DCLK1: variants seen among roughly 807,000 people sequenced by gnomAD.
The protein encoded by DCLK1 is serine/threonine-protein kinase DCLK1.
DCLK1 carries 16 observed loss-of-function variants against 86.2 expected under a neutral mutation model. That is an observed-to-expected ratio of 0.19 (90% CI 0.13 to 0.28). The LOEUF is 0.28. DCLK1 is among the 10% of genes least tolerant of loss of function. The probability of loss-of-function intolerance (pLI) is 1.00; values close to 1 mark genes in which losing one functional copy is unlikely to be tolerated. For synonymous variants in DCLK1, 369 were observed against 370.5 expected, an observed-to-expected ratio of 1.00 and a Z score of 0.05; for missense variants, 590 against 940.2, an observed-to-expected ratio of 0.63 and a Z score of 4.87.
chr13:35,822,666 A>T, intron 11 of DCLK1, 63 bp downstream of exon 11: 5 of 1,474,172 alleles, frequency 3.4e-6, no homozygotes, highest in Middle Eastern at 1.8e-4. Flanking sequence ...GAAAAAAGAA[A>T]TATTCATATT....
intron 3 of DCLK1, among the ~76,000 whole-genome samples, chr13:35,972,889 G>A (rs1456579577): frequency 1.3e-5 from 2 of 152,090 alleles, no homozygotes; most frequent in Admixed American, 6.6e-5. Context: ...TCTGTCCACT[G>A]CATCTCACCA....
Position 35,901,491 on chromosome 13 carries a change from C to CAAAAAAAAAAA in DCLK1, c.824-30162_824-30152dup, listed in dbSNP as rs58801666. Among the ~76,000 whole-genome samples, 6 of 45,878 alleles carry CAAAAAAAAAAA rather than the reference C, an allele frequency of 1.3e-4. 2 individuals are homozygous for CAAAAAAAAAAA. Among genetic ancestry groups the CAAAAAAAAAAA allele is most frequent in the African/African-American group, 5.8e-4 (6 of 10,368 alleles). 30.1% of individuals were successfully genotyped at this position (45,878 alleles called of 152,430 possible). A position where few individuals can be genotyped will look rare whatever the true frequency, so the allele number is the denominator to read the frequency against. ...GGTGACAGAGTGAGAGACTCTGTCT[C>CAAAAAAAAAAA]AAAAAAAAAAAAAAAAAAAAAAAAA... On this transcript the variant is annotated intron_variant, in intron 4 of 16. Transcript: ENST00000360631.
rs566911708 is a variant in DCLK1, at chr13:35,969,654, G to A, written c.724-22197C>T. On this transcript the variant is annotated intron_variant, in intron 3 of 16. Transcript: ENST00000360631. ...AGAGATGGCATGTTTCCCTATCAGG[G>A]TTCCTCTTTCCCTAAGAAACGCTGG... Among the ~76,000 whole-genome samples, 3 of 152,280 alleles carry A rather than the reference G, an allele frequency of 2.0e-5. No individual in the cohort carries two copies. In the East Asian group the frequency reaches 5.8e-4, roughly 29 times the overall value.
chr13:35,797,057 C>G (rs111614655), intron 15 of DCLK1, among the ~76,000 whole-genome samples: 3 of 151,978 alleles, frequency 2.0e-5, no homozygotes, highest in Non-Finnish European at 4.4e-5. Flanking sequence ...CTATTAGGGC[C>G]GGGACTCTAG....
At chr13:36,092,983 T>C (rs1235302342) in intron 3 of DCLK1, among the ~76,000 whole-genome samples, 2 of 151,210 alleles carry the variant, frequency 1.3e-5, no homozygotes, top group Admixed American at 6.6e-5. Context: ...AAGAAAAAAA[T>C]GGCTTTGGAG....
At chr13:35,851,669 TGCC>T (rs1870651748) in intron 6 of DCLK1, among the ~76,000 whole-genome samples, 1 of 152,204 alleles carries the variant, frequency 6.6e-6, no homozygotes. Context: ...ACCAGTCAAA[TGCC>T]TGTAGACAGC....
At chr13:36,033,900 G>A (rs988993996) in intron 3 of DCLK1, among the ~76,000 whole-genome samples, 2 of 152,152 alleles carry the variant, frequency 1.3e-5, no homozygotes, top group African/African-American at 4.8e-5. Flanking sequence ...GCTCCAGCCT[G>A]GGCAACAAAA....
chr13:35,868,980 G>A (rs1231747945), intron 5 of DCLK1: 1 of 385,438 alleles, frequency 2.6e-6, no homozygotes, highest in East Asian at 7.4e-5. Flanking sequence ...TAGTAGAGAT[G>A]GGGTTTCACT....
At chr13:35,955,986 G>C (rs1877956930) in intron 3 of DCLK1, among the ~76,000 whole-genome samples, 1 of 152,134 alleles carries the variant, frequency 6.6e-6, no homozygotes, top group Non-Finnish European at 1.5e-5. Context: ...TTCCAATCCT[G>C]GTCTTTTGCC....
At chr13:35,849,350 G>A in intron 6 of DCLK1, 1 of 984,432 alleles carries the variant, frequency 1.0e-6, no homozygotes, top group Non-Finnish European at 1.2e-6. Context: ...TTGTTTTCAA[G>A]TAAAATTTGA....
intron 3 of DCLK1, among the ~76,000 whole-genome samples, chr13:36,037,032 C>T (rs1882529061): frequency 1.3e-5 from 2 of 152,072 alleles, no homozygotes; most frequent in South Asian, 4.1e-4. Flanking sequence ...ATATATCACA[C>T]ACACACACAG....
chr13:36,008,091 C>T (rs1253900162), intron 3 of DCLK1, among the ~76,000 whole-genome samples: 1 of 147,778 alleles, frequency 6.8e-6, no homozygotes, highest in Admixed American at 6.8e-5. Context: ...TTTCCAATCA[C>T]TTAACTACTA....
chr13:36,063,574 T>C (rs1883635894), intron 3 of DCLK1, among the ~76,000 whole-genome samples: 2 of 152,330 alleles, frequency 1.3e-5, no homozygotes, highest in South Asian at 2.1e-4. Context: ...GTAAGAAGTA[T>C]ACAGGTATGC....
At chr13:35,918,442 C>T (rs1875563834) in intron 4 of DCLK1, among the ~76,000 whole-genome samples, 1 of 152,158 alleles carries the variant, frequency 6.6e-6, no homozygotes, top group African/African-American at 2.4e-5. Flanking sequence ...AAACATTAAT[C>T]ACTAAAAGTT....
At chr13:35,901,568 G>A (rs1874369964) in intron 4 of DCLK1, among the ~76,000 whole-genome samples, 1 of 150,374 alleles carries the variant, frequency 6.7e-6, no homozygotes, top group Non-Finnish European at 1.5e-5. Context: ...GAGGAAATAG[G>A]GTAGAACTTT....
chr13:35,796,749 T>C lies in DCLK1; in HGVS notation c.1945-3270A>G, dbSNP rs147883354. ...TTTTTCCCACACCAGGTTGCATCAA[T>C]TGAGGATGCTCACTAGCATGGCATC... is the stretch of plus-strand genomic sequence containing the variant. On this transcript the variant is annotated intron_variant, in intron 15 of 16. Transcript: ENST00000360631. 3.7e-3 allele frequency among the ~76,000 whole-genome samples: 567 copies of C among 152,290 alleles called. 3 individuals carry two copies. Among genetic ancestry groups the C allele is most frequent in the African/African-American group, 0.013 (537 of 41,558 alleles).
chr13:35,858,430 T>C (rs1420300650), intron 5 of DCLK1, among the ~76,000 whole-genome samples: 1 of 152,122 alleles, frequency 6.6e-6, no homozygotes, highest in East Asian at 1.9e-4. Flanking sequence ...AAGAAACATG[T>C]TTAGTCAGGT....
intron 3 of DCLK1, among the ~76,000 whole-genome samples, chr13:36,056,635 AAG>A (rs1883325480): frequency 2.1e-5 from 3 of 145,258 alleles, no homozygotes; most frequent in South Asian, 2.2e-4. Context: ...AAAAAAAAAA[AAG>A]AAAGAAATTC....
intron 8 of DCLK1, among the ~76,000 whole-genome samples, chr13:35,834,468 G>A (rs1869205945): frequency 6.6e-6 from 1 of 152,190 alleles, no homozygotes; most frequent in African/African-American, 2.4e-5. Flanking sequence ...TTACCTGACT[G>A]ACCTTGGGCG....
Sources: allele counts gnomAD v4.1 joint callset (sites outside exome capture counted in the v4.1 genomes callset), GRCh38; gene constraint gnomAD v4.1.1; transcripts MANE v1.5; gene names NCBI Gene and HGNC (gene_info 2026-07-23, HGNC 2026-07-21).